The following MAGI2 variants were observed in gnomAD, a reference collection of about 807,000 sequenced individuals.
MAGI2 encodes membrane-associated guanylate kinase, WW and PDZ domain-containing protein 2.
MAGI2 carries 35 observed loss-of-function variants against 133.3 expected under a neutral mutation model. The ratio of observed to expected loss-of-function variants is 0.26; its 90% CI spans 0.20 to 0.35. The LOEUF (loss-of-function observed/expected upper bound fraction) is 0.35. Among genes scored for constraint, MAGI2 ranks in the 10% least tolerant of loss-of-function variants. The pLI is 1.00. For synonymous variants in MAGI2, 729 were observed against 710.6 expected (o/e 1.03, Z -0.41); for missense variants, 1,636 against 1,863.4 (o/e 0.88, Z 2.25).
At chr7:78,033,509 A>G (rs1354064346) in intron 21 of MAGI2, among the ~76,000 whole-genome samples, 3 of 151,758 alleles carry the variant, frequency 2.0e-5, no homozygotes, top group Non-Finnish European at 4.4e-5. Context: ...AGAAACTACT[A>G]ATTTTTATAC....
chr7:79,073,213 A>G (rs1311901788), intron 1 of MAGI2, among the ~76,000 whole-genome samples: 1 of 152,192 alleles, frequency 6.6e-6, no homozygotes, highest in Non-Finnish European at 1.5e-5. Context: ...ATTGGAGTAT[A>G]CCAATAAATT....
At chr7:78,746,813 C>G (rs548082025) in intron 2 of MAGI2, among the ~76,000 whole-genome samples, 1 of 152,100 alleles carries the variant, frequency 6.6e-6, no homozygotes, top group Non-Finnish European at 1.5e-5. Flanking sequence ...TTATGTGCTT[C>G]CCACCCCCAA....
intron 10 of MAGI2, among the ~76,000 whole-genome samples, chr7:78,251,227 C>CT (rs34663516): frequency 6.6e-6 from 1 of 152,124 alleles, no homozygotes; most frequent in Non-Finnish European, 1.5e-5. Context: ...TAGAAGACAA[C>CT]TTTCTCAACC....
chr7:78,881,032 T>C (rs542986041), intron 2 of MAGI2, among the ~76,000 whole-genome samples: 18 of 152,262 alleles, frequency 1.2e-4, no homozygotes, highest in African/African-American at 4.3e-4. Context: ...CTATCCTAAA[T>C]ATATATGCAC....
At position 79,359,669 on chromosome 7, in the gene MAGI2, A is replaced by AACACACAC. The variant is rs59414419; in HGVS notation, c.301+93343_301+93350dup. On this transcript the variant is annotated intron_variant, in intron 1 of 21. Coordinates refer to ENST00000354212, the MANE Select transcript of MAGI2 (RefSeq NM_012301.4). ...ACCAAAAGGAAATGCTCAAGTGGGA[A>AACACACAC]ACACACACACACACACACACACACA... Among the ~76,000 whole-genome samples the AACACACAC allele has an allele frequency of 3.1e-3, 439 of 140,114 alleles. 1 individual carries two copies. Among genetic ancestry groups the AACACACAC allele is most frequent in the South Asian group, 6.9e-3 (30 of 4,358 alleles). The allele number at this position is 140,114 out of a possible 152,430, so 91.9% of individuals were successfully genotyped here.
chr7:78,212,347 A>G (rs994617718), intron 10 of MAGI2, among the ~76,000 whole-genome samples: 1 of 152,218 alleles, frequency 6.6e-6, no homozygotes, highest in Admixed American at 6.5e-5. Context: ...ATCTTTGATT[A>G]TACAGGTGGG....
At chr7:78,960,652 C>A (rs950086760) in intron 2 of MAGI2, among the ~76,000 whole-genome samples, 2 of 152,040 alleles carry the variant, frequency 1.3e-5, no homozygotes, top group Non-Finnish European at 2.9e-5. Context: ...ATTATTTAAA[C>A]ATATTGAAAT....
At chr7:78,907,610 A>C (rs1335954152) in intron 2 of MAGI2, among the ~76,000 whole-genome samples, 1 of 152,216 alleles carries the variant, frequency 6.6e-6, no homozygotes, top group Non-Finnish European at 1.5e-5. Context: ...TGAAGCAAAT[A>C]AAGCTCAGTT....
intron 1 of MAGI2, among the ~76,000 whole-genome samples, chr7:79,020,561 T>A (rs993099717): frequency 9.9e-5 from 15 of 151,788 alleles, no homozygotes; most frequent in African/African-American, 3.4e-4. Context: ...GGTCAGGAGA[T>A]TGAGACCATC....
At chr7:78,152,326 A>T (rs865910298) in intron 16 of MAGI2, among the ~76,000 whole-genome samples, 18 of 152,164 alleles carry the variant, frequency 1.2e-4, no homozygotes, top group Admixed American at 1.0e-3. Context: ...GCTTTGATGG[A>T]ATGGAACCTG....
intron 1 of MAGI2, among the ~76,000 whole-genome samples, chr7:79,151,509 G>T (rs752877687): frequency 6.6e-6 from 1 of 152,076 alleles, no homozygotes; most frequent in Non-Finnish European, 1.5e-5. Context: ...AGGGCACACA[G>T]GGAGAACTGG....
At chr7:78,251,754 A>T (rs1489909031) in intron 10 of MAGI2, 4 of 152,236 alleles carry the variant, frequency 2.6e-5, no homozygotes, top group African/African-American at 9.6e-5. Context: ...TTATGAATTA[A>T]AAGGTTCAAT....
At chr7:78,856,303 GT>G (rs942980537) in intron 2 of MAGI2, among the ~76,000 whole-genome samples, 8 of 152,272 alleles carry the variant, frequency 5.3e-5, no homozygotes, top group African/African-American at 1.9e-4. Context: ...TGCTTTTGGT[GT>G]TTTAGACATG....
At chr7:78,622,766 C>A (rs183604622) in intron 3 of MAGI2, among the ~76,000 whole-genome samples, 3 of 151,974 alleles carry the variant, frequency 2.0e-5, no homozygotes, top group Non-Finnish European at 4.4e-5. Flanking sequence ...AGAACATTCC[C>A]TAAGTGTTTA....
chr7:78,421,242 A>C (rs1798769264), intron 6 of MAGI2, among the ~76,000 whole-genome samples: 1 of 152,202 alleles, frequency 6.6e-6, no homozygotes, highest in East Asian at 1.9e-4. Context: ...GATGAAAAGA[A>C]TAAAAAAACA....
intron 1 of MAGI2, among the ~76,000 whole-genome samples, chr7:79,015,953 C>A (rs1452415196): frequency 7.4e-6 from 1 of 135,760 alleles, no homozygotes; most frequent in Admixed American, 8.7e-5. Flanking sequence ...AGCAGGGAAC[C>A]CTGCAAAGGG....
intron 1 of MAGI2, among the ~76,000 whole-genome samples, chr7:79,448,615 A>G (rs1849023134): frequency 6.6e-6 from 1 of 152,140 alleles, no homozygotes; most frequent in Non-Finnish European, 1.5e-5. Context: ...TAGGTGGTCT[A>G]CTTAGGAGAC....
chr7:78,867,967 A>T (rs1007284511), intron 2 of MAGI2, among the ~76,000 whole-genome samples: 1 of 152,148 alleles, frequency 6.6e-6, no homozygotes, highest in Admixed American at 6.5e-5. Flanking sequence ...AGGGGGACCA[A>T]CGAAGAGTGA....
chr7:78,400,927 G>T (rs539334052), intron 6 of MAGI2, among the ~76,000 whole-genome samples: 2 of 151,950 alleles, frequency 1.3e-5, no homozygotes, highest in Non-Finnish European at 2.9e-5. Context: ...TATCTTTCTC[G>T]CTGTCATAGT....
Sources: gnomAD v4.1 joint callset for allele counts (sites outside exome capture counted in the v4.1 genomes callset) on GRCh38, gnomAD v4.1.1 for gene constraint, MANE v1.5 for transcripts, NCBI Gene and HGNC (gene_info 2026-07-23, HGNC 2026-07-21) for gene names.